PSD3: variants seen among roughly 807,000 people sequenced by gnomAD.
PSD3 encodes the protein pleckstrin and Sec7 domain containing 3.
A neutral mutation model predicts 105.5 loss-of-function variants in PSD3; 49 were observed. The observed-to-expected ratio is 0.46, with a 90% confidence interval of 0.37 to 0.59. The LOEUF is 0.59. Among genes scored for constraint, PSD3 ranks in the 20% least tolerant of loss-of-function variants. The pLI, the probability that PSD3 is intolerant of heterozygous loss-of-function variation, is 0.00. For missense variants in PSD3, 1,561 were observed against 1,263.8 expected (o/e 1.24, Z -3.57); for synonymous variants, 557 against 457.8 (o/e 1.22, Z -2.77).
At chr8:18,927,710 G>A (rs1214144657) in intron 2 of PSD3, among the ~76,000 whole-genome samples, 8 of 152,106 alleles carry the variant, frequency 5.3e-5, no homozygotes, top group South Asian at 4.1e-4. Flanking sequence ...CTCCAATCCC[G>A]CTGTGTCCTT....
chr8:18,960,674 T>A (rs1371128267), intron 1 of PSD3, among the ~76,000 whole-genome samples: 2 of 152,150 alleles, frequency 1.3e-5, no homozygotes, highest in Non-Finnish European at 2.9e-5. Flanking sequence ...CAGATCCCAA[T>A]TAGATCCTAA....
intron 12 of PSD3, among the ~76,000 whole-genome samples, chr8:18,595,645 C>T (rs1405895570): frequency 2.6e-5 from 4 of 151,752 alleles, no homozygotes; most frequent in Non-Finnish European, 2.9e-5. Context: ...TTATATTATA[C>T]AAAATAAGTA....
At position 18,834,551 on chromosome 8, in the gene PSD3, A is replaced by C. The variant is rs566080998; in HGVS notation, c.1635-29653T>G. ...ACCTCAGCTGACTGGAACAGGAGTGACCAGCTGATAAAACTGATCCAACAG... is the reference window on the plus strand; with the variant it reads ...ACCTCAGCTGACTGGAACAGGAGTGCCCAGCTGATAAAACTGATCCAACAG... On this transcript the variant is annotated intron_variant, in intron 4 of 15. Transcript: ENST00000327040. Among the ~76,000 whole-genome samples, 22 of 152,302 alleles carry C rather than the reference A, an allele frequency of 1.4e-4. No homozygotes were observed. The South Asian group carries it at 4.6e-3, about 32-fold the overall frequency.
intron 1 of PSD3, among the ~76,000 whole-genome samples, chr8:18,971,204 A>G (rs955919369): frequency 3.3e-5 from 5 of 152,142 alleles, no homozygotes; most frequent in Admixed American, 2.6e-4. Context: ...TTAGGTAGAA[A>G]AGGTGTGTGT....
chr8:18,791,486 C>T (rs775001697), intron 8 of PSD3, among the ~76,000 whole-genome samples: 6 of 152,122 alleles, frequency 3.9e-5, no homozygotes, highest in East Asian at 1.9e-4. Flanking sequence ...GGAAAGGATT[C>T]CTTATTTAAT....
intron 4 of PSD3, among the ~76,000 whole-genome samples, chr8:18,816,376 C>G (rs1812225061): frequency 6.6e-6 from 1 of 152,172 alleles, no homozygotes; most frequent in African/African-American, 2.4e-5. Context: ...GGAGGTAAAG[C>G]TGGGATTGGG....
chr8:19,078,588 C>G (rs2129478247), intron 1 of PSD3, among the ~76,000 whole-genome samples: 1 of 152,140 alleles, frequency 6.6e-6, no homozygotes, highest in Middle Eastern at 3.4e-3. Flanking sequence ...TGAGTTGTCC[C>G]TTTCCCAGAC....
At chr8:18,679,227 G>C (rs547620410) in intron 9 of PSD3, among the ~76,000 whole-genome samples, 2 of 152,348 alleles carry the variant, frequency 1.3e-5, no homozygotes, top group African/African-American at 4.8e-5. Flanking sequence ...CCATTGTAAT[G>C]ATTTCTTCAG....
At chr8:18,648,344 G>A (rs1014838442) in intron 10 of PSD3, among the ~76,000 whole-genome samples, 1 of 152,220 alleles carries the variant, frequency 6.6e-6, no homozygotes. Context: ...AACTTATTGG[G>A]AACTAAAGCA....
intron 1 of PSD3, among the ~76,000 whole-genome samples, chr8:18,969,381 G>C (rs761969547): frequency 1.3e-5 from 2 of 152,148 alleles, no homozygotes; most frequent in Non-Finnish European, 2.9e-5. Context: ...TATAACATTA[G>C]CTTCACGTTC....
intron 1 of PSD3, among the ~76,000 whole-genome samples, chr8:19,066,992 G>T (rs1342132355): frequency 6.6e-6 from 1 of 152,060 alleles, no homozygotes; most frequent in Non-Finnish European, 1.5e-5. Context: ...TCAAAGAAAA[G>T]CCTTATGACT....
intron 9 of PSD3, among the ~76,000 whole-genome samples, chr8:18,764,629 CA>C (rs1361555463): frequency 1.3e-5 from 2 of 152,174 alleles, no homozygotes; most frequent in Non-Finnish European, 2.9e-5. Flanking sequence ...ACTTCTCTTT[CA>C]ACATTTCCAT....
chr8:18,676,656 T>C (rs959201950), intron 9 of PSD3, among the ~76,000 whole-genome samples: 1 of 152,192 alleles, frequency 6.6e-6, no homozygotes, highest in Non-Finnish European at 1.5e-5. Context: ...TCACTCGAGA[T>C]AACTATTACA....
intron 1 of PSD3, among the ~76,000 whole-genome samples, chr8:18,975,922 T>A (rs1411910373): frequency 6.6e-6 from 1 of 152,218 alleles, no homozygotes; most frequent in Non-Finnish European, 1.5e-5. Context: ...ATGGTCAACC[T>A]ACTTTTATCA....
intron 12 of PSD3, among the ~76,000 whole-genome samples, chr8:18,576,790 G>C (rs1445536636): frequency 6.6e-6 from 1 of 152,010 alleles, no homozygotes; most frequent in African/African-American, 2.4e-5. Flanking sequence ...AAAATCACTT[G>C]AGGGAATTTA....
rs1799628750 is a variant in PSD3, at chr8:18,531,470, C to CG, written c.*4272_*4273insC. On this transcript the variant is annotated 3_prime_UTR_variant, in exon 16 of 16. Transcript: ENST00000327040. ...CTGAGAGAAAAATCAGTGACAAAGC[C>CG]CCTCTCTATTGCTATCAATAATCTA... The CG allele has an allele frequency of 6.6e-6, 1 of 151,888 alleles. No homozygotes were observed. The allele number at this position is 151,888 out of a possible 1,614,324, so 9.4% of individuals were successfully genotyped here.
chr8:18,614,984 G>A lies in PSD3; in HGVS notation c.2411-14550C>T, dbSNP rs183173326. 3.6e-3 allele frequency among the ~76,000 whole-genome samples: 546 copies of A among 152,188 alleles called. 2 individuals are homozygous for A. Among genetic ancestry groups the A allele is most frequent in the African/African-American group, 0.013 (520 of 41,530 alleles). On this transcript the variant is annotated intron_variant, in intron 11 of 15. Transcript: ENST00000327040. ...ACTGAAGGAATATGCTGGAGAACTT[G>A]CTGTTTTTAATAATCACTTCAAAAA... is the stretch of plus-strand genomic sequence containing the variant.
rs570967868 is a variant in PSD3, at chr8:18,539,794, C to T, written c.2929-3836G>A. Among the ~76,000 whole-genome samples, 3 of 152,076 alleles carry T rather than the reference C, an allele frequency of 2.0e-5. No homozygotes were observed. In the East Asian group the frequency reaches 5.8e-4, roughly 29 times the overall value. Reference sequence around the variant, plus strand: ...ATCTCCTGACCTCATGATCCGCCTGCCTCGGCCTCTCAAACTGCTGGGATT... The same window carrying T: ...ATCTCCTGACCTCATGATCCGCCTGTCTCGGCCTCTCAAACTGCTGGGATT... On this transcript the variant is annotated intron_variant, in intron 15 of 15. Transcript: ENST00000327040.
At chr8:18,960,284 G>A (rs1823833461) in intron 1 of PSD3, among the ~76,000 whole-genome samples, 1 of 152,142 alleles carries the variant, frequency 6.6e-6, no homozygotes, top group Non-Finnish European at 1.5e-5. Flanking sequence ...AGGTAAGAAG[G>A]AATCTTAAGA....
Sources: allele counts gnomAD v4.1 joint callset (sites outside exome capture counted in the v4.1 genomes callset), GRCh38; gene constraint gnomAD v4.1.1; transcripts MANE v1.5; gene names NCBI Gene and HGNC (gene_info 2026-07-23, HGNC 2026-07-21).